The following B3GALT1 variants were observed in gnomAD, a reference collection of about 807,000 sequenced individuals.
B3GALT1 encodes the protein beta-1,3-galactosyltransferase 1.
In B3GALT1, 10 loss-of-function variants were observed where a neutral mutation model predicts 23.2. The observed-to-expected ratio is 0.43, with a 90% CI of 0.27 to 0.73. The LOEUF (loss-of-function observed/expected upper bound fraction) is 0.73. B3GALT1 is among the 30% of genes least tolerant of loss of function. The pLI is 0.21. For synonymous variants in B3GALT1, 156 were observed against 141.5 expected (o/e 1.10, Z -0.73); for missense variants, 299 against 405.4 (o/e 0.74, Z 2.25).
At chr2:167,645,072 T>C (rs532159393) in intron 2 of B3GALT1, among the ~76,000 whole-genome samples, 37 of 152,300 alleles carry the variant, frequency 2.4e-4, no homozygotes, top group African/African-American at 8.4e-4. Context: ...GAGCTTTCTT[T>C]ATCTTCACCA....
chr2:167,711,320 T>C (rs1687044807), intron 3 of B3GALT1, among the ~76,000 whole-genome samples: 1 of 152,222 alleles, frequency 6.6e-6, no homozygotes. Context: ...AATATCTTCA[T>C]GCTTTATTTA....
At position 167,759,502 on chromosome 2, in the gene B3GALT1, G is replaced by A. The variant is rs960064301; in HGVS notation, c.-351-59170G>A. 3.2e-4 allele frequency among the ~76,000 whole-genome samples: 48 copies of A among 152,172 alleles called. 1 individual carries two copies. The highest frequency in any genetic ancestry group is 1.3e-4 in the Non-Finnish European group (9 of 68,036). On this transcript the variant is annotated intron_variant, in intron 3 of 4. Transcript: ENST00000392690. The stretch of plus-strand genomic sequence containing the variant: ...CACAGAGAGATCTTACTGAAGGATA[G>A]CGATGTATTTTCCAATGCAACCTAA...
intron 1 of B3GALT1, among the ~76,000 whole-genome samples, chr2:167,463,231 A>G (rs993707584): frequency 1.2e-4 from 18 of 152,122 alleles, no homozygotes; most frequent in East Asian, 3.9e-4. Context: ...TTTAAGATCT[A>G]TAAGGGCAGA....
At chr2:167,498,322 C>A (rs1167309956) in intron 2 of B3GALT1, among the ~76,000 whole-genome samples, 1 of 151,946 alleles carries the variant, frequency 6.6e-6, no homozygotes, top group Non-Finnish European at 1.5e-5. Context: ...AAGAATGGAG[C>A]CTGTCAATTG....
intron 1 of B3GALT1, among the ~76,000 whole-genome samples, chr2:167,403,197 G>T (rs984356481): frequency 9.0e-6 from 1 of 111,678 alleles, no homozygotes; most frequent in Non-Finnish European, 1.7e-5. Context: ...TACAGGCCCC[G>T]GTGTGTGATG....
chr2:167,772,023 C>A (rs1488112907), intron 3 of B3GALT1, among the ~76,000 whole-genome samples: 2 of 152,120 alleles, frequency 1.3e-5, no homozygotes, highest in Admixed American at 1.3e-4. Flanking sequence ...ATACCAGAAA[C>A]TTTTACTGAA....
intron 1 of B3GALT1, among the ~76,000 whole-genome samples, chr2:167,355,359 G>A (rs1697383554): frequency 6.6e-6 from 1 of 152,208 alleles, no homozygotes; most frequent in African/African-American, 2.4e-5. Context: ...CATTACATGG[G>A]TGAGGAAGTG....
rs932180750 is a variant in B3GALT1 at position 167,544,736 on chromosome 2, G to A, written c.-410+54459G>A. Among the ~76,000 whole-genome samples, 9 of 152,146 alleles carry A rather than the reference G, an allele frequency of 5.9e-5. No homozygotes were observed. The East Asian group carries it at 1.4e-3, about 23-fold the overall frequency. On this transcript the variant is annotated intron_variant, in intron 2 of 4. Transcript: ENST00000392690. ...CTTCTAGATTGCCAACTCCGCCGAC[G>A]TTGTCTGACACCAACCTGCAGCTAG...
rs150360459 is a variant in B3GALT1, at chr2:167,767,794, T to G, written c.-351-50878T>G. The stretch of plus-strand genomic sequence containing the variant: ...TATAGTTCTAACTAGGAAAGTTTTC[T>G]ACAGAACGAATACAATATATATAAA... On this transcript the variant is annotated intron_variant, in intron 3 of 4. Transcript: ENST00000392690. Among the ~76,000 whole-genome samples the G allele has an allele frequency of 3.9e-5, 6 of 152,278 alleles. No homozygotes were observed. In the East Asian group the frequency reaches 1.2e-3, roughly 29 times the overall value.
At chr2:167,769,426 G>A (rs565133378) in intron 3 of B3GALT1, among the ~76,000 whole-genome samples, 3 of 152,210 alleles carry the variant, frequency 2.0e-5, no homozygotes, top group African/African-American at 7.2e-5. Context: ...TGAAGTATAT[G>A]TACAGTAAAA....
chr2:167,474,438 T>C (rs1455933430), intron 1 of B3GALT1, among the ~76,000 whole-genome samples: 1 of 152,168 alleles, frequency 6.6e-6, no homozygotes, highest in Admixed American at 6.6e-5. Flanking sequence ...CATCACTTCA[T>C]TCCTGTGAAA....
intron 1 of B3GALT1, among the ~76,000 whole-genome samples, chr2:167,348,436 T>C (rs1180762662): frequency 2.0e-5 from 3 of 152,190 alleles, no homozygotes; most frequent in African/African-American, 7.2e-5. Context: ...AGATAAAACT[T>C]CGTAATATAA....
intron 1 of B3GALT1, among the ~76,000 whole-genome samples, chr2:167,448,578 C>T (rs1003519948): frequency 2.0e-5 from 3 of 152,042 alleles, no homozygotes; most frequent in Non-Finnish European, 4.4e-5. Context: ...GTTTACTCTG[C>T]TGATTATTTC....
intron 2 of B3GALT1, among the ~76,000 whole-genome samples, chr2:167,512,831 A>G (rs1388447243): frequency 6.8e-6 from 1 of 147,452 alleles, no homozygotes; most frequent in African/African-American, 2.5e-5. Context: ...TGTTGTAGAG[A>G]TGGTGTTTTG....
chr2:167,735,877 G>A (rs1687483972), intron 3 of B3GALT1, among the ~76,000 whole-genome samples: 1 of 152,180 alleles, frequency 6.6e-6, no homozygotes, highest in African/African-American at 2.4e-5. Flanking sequence ...ATCTATGAAT[G>A]AATCCACATG....
intron 2 of B3GALT1, among the ~76,000 whole-genome samples, chr2:167,493,903 ATGT>A (rs1263677501): frequency 1.3e-5 from 2 of 152,212 alleles, no homozygotes; most frequent in African/African-American, 4.8e-5. Flanking sequence ...CAAGCTCCTC[ATGT>A]TGTTGTATTA....
At chr2:167,374,252 TCCAGTCCA>T (rs1265922242) in intron 1 of B3GALT1, among the ~76,000 whole-genome samples, 1 of 152,242 alleles carries the variant, frequency 6.6e-6, no homozygotes, top group Non-Finnish European at 1.5e-5. Context: ...ATTGTCTTTA[TCCAGTCCA>T]CCACTGATGG....
At chr2:167,744,665 C>A (rs1687625716) in intron 3 of B3GALT1, among the ~76,000 whole-genome samples, 1 of 151,924 alleles carries the variant, frequency 6.6e-6, no homozygotes, top group Non-Finnish European at 1.5e-5. Context: ...GATCACGGCT[C>A]ACTGCAACCT....
chr2:167,863,457 GTTA>G (rs1339743964), intron 4 of B3GALT1, among the ~76,000 whole-genome samples: 1 of 152,188 alleles, frequency 6.6e-6, no homozygotes, highest in Non-Finnish European at 1.5e-5. Context: ...GGCAATGGTT[GTTA>G]ATACCTGTGA....
Sources: allele counts gnomAD v4.1 joint callset (sites outside exome capture counted in the v4.1 genomes callset), GRCh38; gene constraint gnomAD v4.1.1; transcripts MANE v1.5; gene names NCBI Gene and HGNC (gene_info 2026-07-23, HGNC 2026-07-21).